The following MEOX2 variants were observed in gnomAD, a reference collection of about 807,000 sequenced individuals.
The protein encoded by MEOX2 is mesenchyme homeobox 2.
In MEOX2, 11 loss-of-function variants were observed where a neutral mutation model predicts 27.0. That is an observed-to-expected ratio of 0.41 (90% confidence interval 0.26 to 0.68). MEOX2 has a LOEUF of 0.68. Ranked by LOEUF, MEOX2 falls within the 30% of genes least tolerant of loss-of-function variation. MEOX2 has a pLI of 0.33. For missense variants in MEOX2, 436 were observed against 385.4 expected, an observed-to-expected ratio of 1.13 and a Z score of -1.10; for synonymous variants, 189 against 155.4, an observed-to-expected ratio of 1.22 and a Z score of -1.61.
chr7:15,684,263 C>T (rs1218281802), intron 1 of MEOX2, among the ~76,000 whole-genome samples: 2 of 152,160 alleles, frequency 1.3e-5, no homozygotes, highest in African/African-American at 4.8e-5. Flanking sequence ...CTGGGATCTG[C>T]TTCCAAAGTT....
At chr7:15,681,155 C>G (rs1308329320) in intron 1 of MEOX2, 1 of 151,728 alleles carries the variant, frequency 6.6e-6, no homozygotes, top group Admixed American at 6.6e-5. Flanking sequence ...GTATTTATCG[C>G]TCAAAGATAT....
At chr7:15,650,163 G>C (rs942460491) in intron 1 of MEOX2, among the ~76,000 whole-genome samples, 1 of 152,052 alleles carries the variant, frequency 6.6e-6, no homozygotes, top group Non-Finnish European at 1.5e-5. Context: ...CTGGTTTAGA[G>C]TTAAATTCCT....
intron 1 of MEOX2, among the ~76,000 whole-genome samples, chr7:15,644,803 C>T (rs539976795): frequency 3.2e-4 from 49 of 152,234 alleles, no homozygotes; most frequent in Non-Finnish European, 5.9e-4. Context: ...AAGAAATGCT[C>T]GTTTTGTACA....
intron 1 of MEOX2, among the ~76,000 whole-genome samples, chr7:15,644,104 GT>G (rs1193994479): frequency 2.0e-5 from 3 of 152,176 alleles, no homozygotes. Context: ...TCTGGGCTCT[GT>G]TTTCTCCTAG....
At chr7:15,623,999 T>C (rs1339913562) in intron 2 of MEOX2, among the ~76,000 whole-genome samples, 1 of 152,240 alleles carries the variant, frequency 6.6e-6, no homozygotes, top group Non-Finnish European at 1.5e-5. Flanking sequence ...ATAATTCTGT[T>C]TTATAGTTTA....
intron 1 of MEOX2, among the ~76,000 whole-genome samples, chr7:15,661,638 T>A (rs1185974937): frequency 6.6e-6 from 1 of 152,198 alleles, no homozygotes; most frequent in African/African-American, 2.4e-5. Context: ...TTGATGCGTT[T>A]TCCTTTTATG....
chr7:15,617,956 A>T (rs1231416966), intron 2 of MEOX2, among the ~76,000 whole-genome samples: 1 of 152,146 alleles, frequency 6.6e-6, no homozygotes, highest in Non-Finnish European at 1.5e-5. Context: ...TTGAACAAGG[A>T]TTAACCCTTT....
At chr7:15,673,050 C>A (rs1400851286) in intron 1 of MEOX2, among the ~76,000 whole-genome samples, 1 of 152,152 alleles carries the variant, frequency 6.6e-6, no homozygotes, top group African/African-American at 2.4e-5. Context: ...GGAACCAAGA[C>A]CTTCAAAACA....
At chr7:15,615,578 T>C (rs895634492) in intron 2 of MEOX2, among the ~76,000 whole-genome samples, 8 of 152,112 alleles carry the variant, frequency 5.3e-5, no homozygotes, top group Admixed American at 4.6e-4. Flanking sequence ...TTTAATTACC[T>C]TTGCAAGCTT....
intron 2 of MEOX2, among the ~76,000 whole-genome samples, chr7:15,626,365 C>G (rs531117305): frequency 6.6e-5 from 10 of 152,110 alleles, no homozygotes; most frequent in African/African-American, 2.2e-4. Context: ...ATGACCTATC[C>G]TGAGCAATAC....
Position 15,633,867 on chromosome 7 carries a change from G to C in MEOX2, c.518-6949C>G, listed in dbSNP as rs538183740. Among the ~76,000 whole-genome samples, 78 of 151,616 alleles carry C rather than the reference G, an allele frequency of 5.1e-4. 1 individual carries two copies. The highest frequency in any genetic ancestry group is 1.8e-3 in the African/African-American group (76 of 41,380). The stretch of plus-strand genomic sequence containing the variant: ...ATACCTACTATTCTGCTGTATCTTT[G>C]ACTTTACGATCTGATTATAGATTAT... On this transcript the variant is annotated intron_variant, in intron 1 of 2. Transcript: ENST00000262041.
chr7:15,667,534 A>G (rs758296), intron 1 of MEOX2, among the ~76,000 whole-genome samples: 201 of 152,194 alleles, frequency 1.3e-3, no homozygotes, highest in African/African-American at 4.7e-3. Flanking sequence ...CGTAGGGCCA[A>G]GTCCCTGGAA....
Position 15,642,320 on chromosome 7 carries a change from TTTTC to T in MEOX2, c.518-15406_518-15403del, listed in dbSNP as rs529183908. ...TCTTTGTTCATTTTTTAAAATTATT[TTTTC>T]TTTATTTTTGTCTGACTGAGATAAT... On this transcript the variant is annotated intron_variant, in intron 1 of 2. Coordinates refer to ENST00000262041, the MANE Select transcript of MEOX2 (RefSeq NM_005924.5). Among the ~76,000 whole-genome samples, 275 of 152,282 alleles carry T rather than the reference TTTTC, an allele frequency of 1.8e-3. 1 individual carries two copies. The highest frequency in any genetic ancestry group is 2.8e-3 in the Non-Finnish European group (192 of 68,020).
chr7:15,622,246 T>C (rs1300119267), intron 2 of MEOX2, among the ~76,000 whole-genome samples: 1 of 152,200 alleles, frequency 6.6e-6, no homozygotes, highest in Admixed American at 6.5e-5. Flanking sequence ...TGTGTATATA[T>C]TTATATGCAT....
intron 1 of MEOX2, among the ~76,000 whole-genome samples, chr7:15,669,385 T>C (rs905765847): frequency 6.6e-6 from 1 of 152,254 alleles, no homozygotes; most frequent in African/African-American, 2.4e-5. Flanking sequence ...TCATTAACAC[T>C]TTTTCTACAT....
intron 1 of MEOX2, among the ~76,000 whole-genome samples, chr7:15,666,601 A>C (rs1293395586): frequency 2.0e-5 from 3 of 151,298 alleles, no homozygotes; most frequent in Non-Finnish European, 4.4e-5. Context: ...AAATACAAAA[A>C]ATTAGCCGGG....
intron 1 of MEOX2, among the ~76,000 whole-genome samples, chr7:15,685,399 T>C (rs970769707): frequency 6.6e-6 from 1 of 151,510 alleles, no homozygotes; most frequent in Non-Finnish European, 1.5e-5. Flanking sequence ...CTCTGCCAAG[T>C]TCCATTGCAA....
intron 1 of MEOX2, among the ~76,000 whole-genome samples, chr7:15,682,989 C>A (rs1782317093): frequency 6.6e-6 from 1 of 151,850 alleles, no homozygotes; most frequent in African/African-American, 2.4e-5. Context: ...TAAAGGAAGC[C>A]TAAAGTCCAT....
chr7:15,615,607 A>T (rs1781111098), intron 2 of MEOX2, among the ~76,000 whole-genome samples: 1 of 152,076 alleles, frequency 6.6e-6, no homozygotes, highest in African/African-American at 2.4e-5. Flanking sequence ...ATTTTGCATT[A>T]GATCTATTCC....
Sources: gnomAD v4.1 joint callset for allele counts (sites outside exome capture counted in the v4.1 genomes callset) on GRCh38, gnomAD v4.1.1 for gene constraint, MANE v1.5 for transcripts, NCBI Gene and HGNC (gene_info 2026-07-23, HGNC 2026-07-21) for gene names.